The following DIAPH2 variants were observed in gnomAD, a reference collection of about 807,000 sequenced individuals.
The protein encoded by DIAPH2 is diaphanous related formin 2, also known as protein diaphanous homolog 2.
Under a neutral mutation model 92.7 loss-of-function variants are expected in DIAPH2, and 35 were observed. The ratio of observed to expected loss-of-function variants is 0.38; its 90% CI spans 0.29 to 0.50. The LOEUF is 0.50. Among genes scored for constraint, DIAPH2 ranks in the 20% least tolerant of loss-of-function variants. The probability of loss-of-function intolerance (pLI) is 0.94; values close to 1 mark genes in which losing one functional copy is unlikely to be tolerated. For synonymous variants in DIAPH2, 301 were observed against 280.4 expected (o/e 1.07, Z -0.73); for missense variants, 701 against 819.5 (o/e 0.86, Z 1.77).
At chrX:97,561,067 TTTG>T (rs1569424492) in intron 26 of DIAPH2, among the ~76,000 whole-genome samples, 2 of 111,972 alleles carry the variant, frequency 1.8e-5, no homozygotes, top group African/African-American at 3.2e-5. Context: ...CTGAGACTAT[TTTG>T]TTGTTATTGG....
chrX:97,517,540 T>A (rs1487223095), intron 26 of DIAPH2, among the ~76,000 whole-genome samples: 1 of 111,860 alleles, frequency 8.9e-6, no homozygotes, highest in Non-Finnish European at 1.9e-5. Context: ...TCCCAGCTTT[T>A]AAAAAAATAT....
intron 22 of DIAPH2, among the ~76,000 whole-genome samples, chrX:97,164,547 C>T (rs1008917030): frequency 8.9e-6 from 1 of 111,992 alleles, no homozygotes; most frequent in African/African-American, 3.2e-5. Context: ...CAAAACAATG[C>T]ATCAAATTTA....
chrX:97,323,366 C>T (rs1444840199), intron 23 of DIAPH2, among the ~76,000 whole-genome samples: 1 of 101,638 alleles, frequency 9.8e-6, no homozygotes, highest in Non-Finnish European at 2.0e-5. Context: ...CCGAGGCGGG[C>T]GGATCACGAG....
At chrX:97,103,663 C>T (rs1157360985) in intron 20 of DIAPH2, among the ~76,000 whole-genome samples, 1 of 111,769 alleles carries the variant, frequency 8.9e-6, no homozygotes, top group Non-Finnish European at 1.9e-5. Context: ...TCTCCAAATC[C>T]GTCTCGGCAC....
chrX:97,022,618 T>C (rs980705912), intron 17 of DIAPH2, among the ~76,000 whole-genome samples: 4 of 112,194 alleles, frequency 3.6e-5, no homozygotes, highest in Non-Finnish European at 7.5e-5. Context: ...TCTGGAAATA[T>C]CATTGGCAAA....
chrX:97,409,460 A>C, intron 25 of DIAPH2, among the ~76,000 whole-genome samples: 1 of 111,566 alleles, frequency 9.0e-6, no homozygotes, highest in East Asian at 2.8e-4. Context: ...TGATCGACAC[A>C]GAAGATGGTG....
At chrX:97,598,807 A>G (rs1384405856) in intron 26 of DIAPH2, among the ~76,000 whole-genome samples, 1 of 111,949 alleles carries the variant, frequency 8.9e-6, no homozygotes, top group South Asian at 3.7e-4. Context: ...CAATCATTGT[A>G]AAAAATAAAA....
At chrX:97,488,689 A>G (rs2070705564) in intron 26 of DIAPH2, among the ~76,000 whole-genome samples, 1 of 111,686 alleles carries the variant, frequency 9.0e-6, no homozygotes, top group Non-Finnish European at 1.9e-5. Flanking sequence ...TCCCACTACC[A>G]TTTGTTGAAG....
intron 1 of DIAPH2, among the ~76,000 whole-genome samples, chrX:96,689,417 G>A (rs931142591): frequency 1.0e-4 from 11 of 108,518 alleles, no homozygotes; most frequent in Non-Finnish European, 1.9e-4. Flanking sequence ...ATGGAGGCAG[G>A]AAGACCATTT....
At chrX:97,274,384 T>C (rs1002788737) in intron 23 of DIAPH2, among the ~76,000 whole-genome samples, 7 of 108,712 alleles carry the variant, frequency 6.4e-5, no homozygotes, top group Admixed American at 5.0e-4. Flanking sequence ...GGCACGTGCC[T>C]GTAATCCCAG....
At chrX:97,145,784 TTC>T (rs1004236271) in intron 22 of DIAPH2, among the ~76,000 whole-genome samples, 2 of 110,580 alleles carry the variant, frequency 1.8e-5, no homozygotes, top group African/African-American at 6.6e-5. Flanking sequence ...CTTACGCACA[TTC>T]TGCCTGCTTG....
intron 12 of DIAPH2, 146 bp downstream of exon 12, chrX:96,939,528 A>ATATATATGTATGTATATATATC (rs2065683027): frequency 1.4e-5 from 1 of 69,792 alleles, no homozygotes; most frequent in Non-Finnish European, 3.0e-5. Flanking sequence ...ATATATATAT[A>ATATATATGTATGTATATATATC]TGTATATATA....
intron 23 of DIAPH2, among the ~76,000 whole-genome samples, chrX:97,309,904 C>T (rs1197345240): frequency 8.9e-6 from 1 of 112,363 alleles, no homozygotes; most frequent in African/African-American, 3.2e-5. Flanking sequence ...CCTGTTTCTT[C>T]TCTGCCAGTT....
intron 4 of DIAPH2, among the ~76,000 whole-genome samples, chrX:96,766,467 TG>T (rs1255333598): frequency 9.0e-6 from 1 of 110,620 alleles, no homozygotes; most frequent in Non-Finnish European, 1.9e-5. Context: ...TTTTTTTGTT[TG>T]TTTTTTTTTC....
rs1434418985 is a variant in DIAPH2 at position 97,604,804 on chromosome X, T to TTGAA, written c.*5490_*5493dup. 1.8e-5 allele frequency: 2 copies of TTGAA among 111,606 alleles called. No homozygotes were observed. Among genetic ancestry groups the TTGAA allele is most frequent in the Non-Finnish European group, 3.8e-5 (2 of 53,112 alleles). The allele number at this position is 111,606 out of a possible 1,213,427, so 9.2% of individuals were successfully genotyped here. ...GGGAGAGGTGAAAGCAAAGACTGCT[T>TTGAA]TGAATGGGTATTGAGGGAGATTGTG... On this transcript the variant is annotated 3_prime_UTR_variant, in exon 27 of 27. Coordinates refer to ENST00000324765, the MANE Select transcript of DIAPH2 (RefSeq NM_006729.5).
chrX:96,829,477 T>TTG (rs756914691), intron 4 of DIAPH2, among the ~76,000 whole-genome samples: 2 of 107,265 alleles, frequency 1.9e-5, no homozygotes, highest in African/African-American at 3.4e-5. Context: ...AGGCAAATGA[T>TTG]TGTGTGTGTG....
At chrX:97,047,705 C>T (rs2066494279) in intron 17 of DIAPH2, among the ~76,000 whole-genome samples, 1 of 106,855 alleles carries the variant, frequency 9.4e-6, no homozygotes, top group African/African-American at 3.4e-5. Flanking sequence ...TCTCTGTGAC[C>T]GTGTGACCTC....
intron 4 of DIAPH2, among the ~76,000 whole-genome samples, chrX:96,807,944 CAAAAAAAAAAAAAAAAAAAAAAAAAAAA>C (rs541681495): frequency 6.9e-5 from 1 of 14,473 alleles, no homozygotes; most frequent in African/African-American, 2.4e-4. Flanking sequence ...GTAGAAATAG[CAAAAAAAAAAAAAAAAAAAAAAAAAAAA>C]AAAAAAAAAA....
chrX:96,848,003 G>T, intron 4 of DIAPH2, among the ~76,000 whole-genome samples: 2 of 110,641 alleles, frequency 1.8e-5, no homozygotes, highest in Middle Eastern at 9.4e-3. Flanking sequence ...TACTGACTAG[G>T]TTAGTAATTC....
Sources: allele counts gnomAD v4.1 joint callset (sites outside exome capture counted in the v4.1 genomes callset), GRCh38; gene constraint gnomAD v4.1.1; transcripts MANE v1.5; gene names NCBI Gene and HGNC (gene_info 2026-07-23, HGNC 2026-07-21).